TANC2: variants seen among roughly 807,000 people sequenced by gnomAD.
TANC2 encodes tetratricopeptide repeat, ankyrin repeat and coiled-coil containing 2.
Under a neutral mutation model 210.5 loss-of-function variants are expected in TANC2, and 26 were observed. The ratio of observed to expected loss-of-function variants is 0.12; its 90% confidence interval spans 0.09 to 0.17. The LOEUF (loss-of-function observed/expected upper bound fraction) is 0.17. TANC2 is among the 10% of genes least tolerant of loss of function. TANC2 has a pLI of 1.00. For missense variants in TANC2, 2,129 were observed against 2,608.9 expected (o/e 0.82, Z 4.01); for synonymous variants, 931 against 967.1 (o/e 0.96, Z 0.69).
intron 4 of TANC2, among the ~76,000 whole-genome samples, chr17:63,129,776 A>G (rs1444564989): frequency 1.3e-5 from 2 of 152,132 alleles, no homozygotes; most frequent in South Asian, 2.1e-4. Context: ...GTAATCTTAT[A>G]TATCTATACA....
intron 4 of TANC2, among the ~76,000 whole-genome samples, chr17:63,106,445 AG>A (rs1356880029): frequency 6.6e-6 from 1 of 151,568 alleles, no homozygotes; most frequent in African/African-American, 2.4e-5. Flanking sequence ...AAGCTTCAAG[AG>A]TAAGGGGATT....
At chr17:63,290,990 A>G (rs1598787183) in intron 9 of TANC2, among the ~76,000 whole-genome samples, 2 of 152,136 alleles carry the variant, frequency 1.3e-5, no homozygotes, top group South Asian at 2.1e-4. Context: ...CTTCTCAATA[A>G]CTTTTCTAAA....
chr17:63,084,405 A>G (rs1568370909), intron 3 of TANC2, among the ~76,000 whole-genome samples: 1 of 151,490 alleles, frequency 6.6e-6, no homozygotes, highest in Non-Finnish European at 1.5e-5. Context: ...AAGCTCCTCA[A>G]TTTTATTGAT....
intron 16 of TANC2, 44 bp downstream of exon 16, chr17:63,388,801 T>C (rs201863797): frequency 1.3e-5 from 19 of 1,413,330 alleles, no homozygotes; most frequent in African/African-American, 2.9e-5. Context: ...GAATTAACTA[T>C]GAAAAAATAA....
At chr17:63,258,475 T>A (rs1039970181) in intron 8 of TANC2, among the ~76,000 whole-genome samples, 1 of 152,142 alleles carries the variant, frequency 6.6e-6, no homozygotes, top group Non-Finnish European at 1.5e-5. Flanking sequence ...CCAGAAATGC[T>A]GTCCAGGAGC....
intron 2 of TANC2, among the ~76,000 whole-genome samples, chr17:63,054,048 G>C (rs1368144447): frequency 2.6e-5 from 4 of 152,158 alleles, no homozygotes; most frequent in African/African-American, 9.7e-5. Flanking sequence ...TTTAAAGCCA[G>C]ACAATTTTGA....
chr17:63,229,870 A>G (rs1272084066), intron 7 of TANC2, among the ~76,000 whole-genome samples: 1 of 151,508 alleles, frequency 6.6e-6, no homozygotes, highest in African/African-American at 2.4e-5. Flanking sequence ...TCTGGGTTGA[A>G]GTGATTTTCA....
At chr17:63,141,870 G>A (rs2039303831) in intron 4 of TANC2, among the ~76,000 whole-genome samples, 1 of 152,058 alleles carries the variant, frequency 6.6e-6, no homozygotes, top group African/African-American at 2.4e-5. Flanking sequence ...TTTGTATAAA[G>A]CTCTATAAGA....
intron 9 of TANC2, among the ~76,000 whole-genome samples, chr17:63,294,585 A>G (rs2044478053): frequency 6.6e-6 from 1 of 152,214 alleles, no homozygotes; most frequent in Non-Finnish European, 1.5e-5. Flanking sequence ...AAAAATTTCC[A>G]GATATACAAA....
intron 2 of TANC2, among the ~76,000 whole-genome samples, chr17:63,042,145 T>C (rs2035212815): frequency 6.6e-6 from 1 of 152,188 alleles, no homozygotes. Flanking sequence ...ATTTAAAATA[T>C]GCCTGTAGTT....
chr17:63,008,848 T>TGGGGGGGGGGGG (rs1598240447), intron 1 of TANC2, among the ~76,000 whole-genome samples: 2 of 5,194 alleles, frequency 3.9e-4, no homozygotes, highest in Non-Finnish European at 7.6e-4. Context: ...TGTGTGGTGG[T>TGGGGGGGGGGGG]GGGGGGTGGG....
chr17:63,329,186 TA>T (rs1465981535), intron 11 of TANC2, among the ~76,000 whole-genome samples: 2 of 152,028 alleles, frequency 1.3e-5, no homozygotes, highest in Non-Finnish European at 2.9e-5. Context: ...ATAGATTTAT[TA>T]TTTTTTTAAT....
intron 18 of TANC2, chr17:63,396,173 T>C (rs752112521): frequency 1.0e-4 from 46 of 440,820 alleles, no homozygotes; most frequent in Admixed American, 1.9e-4. Flanking sequence ...TTATTCTCCA[T>C]GTTTTCCTCC....
chr17:63,040,623 A>G (rs892425968), intron 2 of TANC2, among the ~76,000 whole-genome samples: 5 of 152,140 alleles, frequency 3.3e-5, no homozygotes, highest in African/African-American at 9.7e-5. Context: ...GAGGGAAAAT[A>G]CTAGATTCAC....
chr17:63,171,373 G>A (rs144755142), intron 5 of TANC2, among the ~76,000 whole-genome samples: 54 of 152,100 alleles, frequency 3.6e-4, no homozygotes, highest in African/African-American at 1.3e-3. Flanking sequence ...ATGAGCCACC[G>A]CACCCAGCCC....
chr17:63,342,188 G>A (rs1372146155), intron 12 of TANC2, among the ~76,000 whole-genome samples: 1 of 151,378 alleles, frequency 6.6e-6, no homozygotes, highest in Non-Finnish European at 1.5e-5. Context: ...ATGTATTTAT[G>A]GTACATAACA....
chr17:62,974,078 C>T (rs947318472), intron 1 of TANC2, among the ~76,000 whole-genome samples: 1 of 152,192 alleles, frequency 6.6e-6, no homozygotes, highest in Non-Finnish European at 1.5e-5. Flanking sequence ...ATAGCCTGTG[C>T]CCATTAAGTG....
chr17:63,290,185 TG>T (rs1470344662), intron 9 of TANC2, among the ~76,000 whole-genome samples: 1 of 152,090 alleles, frequency 6.6e-6, no homozygotes, highest in Non-Finnish European at 1.5e-5. Context: ...GTATTTACTG[TG>T]AGAACCTGGT....
intron 3 of TANC2, among the ~76,000 whole-genome samples, chr17:63,098,631 A>C (rs550497522): frequency 7.9e-5 from 12 of 151,408 alleles, no homozygotes; most frequent in African/African-American, 2.7e-4. Context: ...TGCCATTACC[A>C]GAAGTGGAAG....
Sources: gnomAD v4.1 joint callset for allele counts (sites outside exome capture counted in the v4.1 genomes callset) on GRCh38, gnomAD v4.1.1 for gene constraint, MANE v1.5 for transcripts, NCBI Gene and HGNC (gene_info 2026-07-23, HGNC 2026-07-21) for gene names.